The following ACSM2A variants were observed in gnomAD, a reference collection of about 807,000 sequenced individuals.
The protein encoded by ACSM2A is acyl-coenzyme A synthetase ACSM2A, mitochondrial.
ACSM2A carries 72 observed loss-of-function variants against 76.6 expected under a neutral mutation model. The observed-to-expected ratio is 0.94, with a 90% CI of 0.78 to 1.14. The LOEUF is 1.14. ACSM2A is among the 50% of genes most tolerant of loss of function. The pLI is 0.00. For synonymous variants in ACSM2A, 249 were observed against 255.9 expected, an observed-to-expected ratio of 0.97 and a Z score of 0.26; for missense variants, 684 against 708.5, an observed-to-expected ratio of 0.97 and a Z score of 0.39.
intron 13 of ACSM2A, among the ~76,000 whole-genome samples, chr16:20,483,983 A>G (rs1700815): frequency 0.47 from 62,271 of 133,826 alleles, 10,255 homozygotes; most frequent in Non-Finnish European, 0.54. Context: ...TTGTGGCTCT[A>G]TCAGCTCCAA....
chr16:20,467,196 A>C (rs967846379), intron 3 of ACSM2A, among the ~76,000 whole-genome samples: 6 of 152,240 alleles, frequency 3.9e-5, no homozygotes, highest in Admixed American at 2.0e-4. Context: ...ATGTGCCTGA[A>C]GTCCAGGCCA....
At chr16:20,485,637 T>G (rs538990271) in intron 13 of ACSM2A, among the ~76,000 whole-genome samples, 1 of 152,338 alleles carries the variant, frequency 6.6e-6, no homozygotes, top group African/African-American at 2.4e-5. Context: ...TGGGCTGTAT[T>G]TTGCCTGCAG....
At chr16:20,458,779 G>T (rs949503554) in intron 1 of ACSM2A, among the ~76,000 whole-genome samples, 4 of 140,356 alleles carry the variant, frequency 2.8e-5, no homozygotes, top group African/African-American at 1.0e-4. Context: ...ACAGGAGTGT[G>T]GCAATGTATA....
chr16:20,472,433 C>G (rs2013473389), intron 6 of ACSM2A, among the ~76,000 whole-genome samples: 1 of 152,204 alleles, frequency 6.6e-6, no homozygotes, highest in African/African-American at 2.4e-5. Context: ...CATGCTATCA[C>G]TGGGGCACCT....
intron 2 of ACSM2A, among the ~76,000 whole-genome samples, chr16:20,460,534 G>A (rs1017238539): frequency 6.6e-6 from 1 of 152,088 alleles, no homozygotes; most frequent in African/African-American, 2.4e-5. Context: ...CACACAGTTT[G>A]TTTACACTAT....
At position 20,471,085 on chromosome 16, in the gene ACSM2A, C is replaced by T; in HGVS notation, c.609C>T (p.Thr203=). ...GTGTCTCTGTCAGTGAGGCATCCACCACTCATCACTGTGTGGAGACTGGAA... is the reference window on the plus strand; with the variant it reads ...GTGTCTCTGTCAGTGAGGCATCCACTACTCATCACTGTGTGGAGACTGGAA... The part of the protein sequence containing the change: ...NFKKLLNEAS[T]THHCVETGSQ... The change falls in exon 5 of 14, where the codon ACC becomes ACT. Residue 203 remains threonine, a synonymous_variant. Transcript: ENST00000573854. 3 of 1,613,448 alleles carry T rather than the reference C, an allele frequency of 1.9e-6. No homozygotes were observed. The highest frequency in any genetic ancestry group is 1.7e-6 in the Non-Finnish European group (2 of 1,179,584).
At chr16:20,471,037 T>TA in intron 4 of ACSM2A, 36 bp from the exon 5 acceptor site, 1 of 1,611,676 alleles carries the variant, frequency 6.2e-7, no homozygotes, top group Non-Finnish European at 8.5e-7. Flanking sequence ...GTGTCCAGTC[T>TA]AGCTCTGAAA....
At chr16:20,454,354 C>G (rs1373542640) in intron 1 of ACSM2A, among the ~76,000 whole-genome samples, 2 of 152,032 alleles carry the variant, frequency 1.3e-5, no homozygotes, top group African/African-American at 4.8e-5. Flanking sequence ...ACTGGTGAAG[C>G]TGGGGTCACT....
chr16:20,465,453 T>A, intron 2 of ACSM2A, 64 bp from the exon 3 acceptor site: 1 of 1,577,380 alleles, frequency 6.3e-7, no homozygotes, highest in Non-Finnish European at 8.6e-7. Context: ...TCCCAAGACT[T>A]GGAATTTATC....
rs2013693836 is a variant in ACSM2A, at chr16:20,475,680, C to G, written c.1005C>G (p.Val335=). Residue 335 remains valine, a synonymous_variant, in exon 8 of 14, where the codon GTC becomes GTG. Transcript: ENST00000573854. ...AGTTCCCCCATCTACAGAACTGCGT[C>G]ACTGTAGGGGAGTCCCTTCTTCCAG... The part of the protein sequence containing the change: ...SYKFPHLQNC[V]TVGESLLPET... 1 of 1,614,048 alleles carries G rather than the reference C, an allele frequency of 6.2e-7. No homozygotes were observed. Among genetic ancestry groups the G allele is most frequent in the Non-Finnish European group, 8.5e-7 (1 of 1,179,936 alleles).
intron 1 of ACSM2A, chr16:20,452,120 G>A (rs1157230723): frequency 6.6e-6 from 1 of 151,338 alleles, no homozygotes; most frequent in African/African-American, 2.4e-5. Flanking sequence ...CACTGTGATG[G>A]TTAATACTGA....
At chr16:20,474,571 C>T (rs1385111378) in intron 6 of ACSM2A, among the ~76,000 whole-genome samples, 1 of 152,146 alleles carries the variant, frequency 6.6e-6, no homozygotes, top group Non-Finnish European at 1.5e-5. Flanking sequence ...CTCCGGTACT[C>T]AGTTACAGCA....
At chr16:20,465,413 A>T in intron 2 of ACSM2A, 104 bp from the exon 3 acceptor site, 1 of 1,461,988 alleles carries the variant, frequency 6.8e-7, no homozygotes, top group Non-Finnish European at 9.2e-7. Flanking sequence ...GTGCTGAGAT[A>T]AAAAACCTTA....
chr16:20,452,558 A>G lies in ACSM2A; in HGVS notation c.-9+877A>G, dbSNP rs1310300034. The G allele has an allele frequency of 2.5e-5, 3 of 121,888 alleles. 1 individual carries two copies. Among genetic ancestry groups the G allele is most frequent in the African/African-American group, 1.0e-4 (3 of 28,578 alleles). The allele number at this position is 121,888 out of a possible 1,614,324, so 7.6% of individuals were successfully genotyped here. ...ATGTTAATACTTAGTAAACTCATATATATGCTTATATATATGAGTTTATAA... is the reference window on the plus strand; with the variant it reads ...ATGTTAATACTTAGTAAACTCATATGTATGCTTATATATATGAGTTTATAA... On this transcript the variant is annotated intron_variant, in intron 1 of 13. Coordinates refer to ENST00000573854, the MANE Select transcript of ACSM2A (RefSeq NM_001308172.2).
intron 2 of ACSM2A, among the ~76,000 whole-genome samples, chr16:20,462,927 C>G (rs774635336): frequency 3.3e-5 from 5 of 151,882 alleles, no homozygotes; most frequent in Non-Finnish European, 5.9e-5. Flanking sequence ...GCCCAAATAT[C>G]TATCAACAAA....
Position 20,482,134 on chromosome 16 carries a change from CAAAA to C in ACSM2A, c.1510-906_1510-903del, listed in dbSNP as rs768615976. ...TGGGTGACAGAGTGAGACTCTGTCTCAAAAAAAAAAAAAAAAAAAAAGAAAGAAA... is the reference window on the plus strand; with the variant it reads ...TGGGTGACAGAGTGAGACTCTGTCTCAAAAAAAAAAAAAAAAAGAAAGAAA... On this transcript the variant is annotated intron_variant, in intron 12 of 13. Transcript: ENST00000573854. 8.8e-4 allele frequency: 44 copies of C among 49,730 alleles called. No homozygotes were observed. The East Asian group carries it at 0.012, about 14-fold the overall frequency. 3.1% of individuals were successfully genotyped at this position (49,730 alleles called of 1,614,324 possible).
intron 6 of ACSM2A, among the ~76,000 whole-genome samples, chr16:20,474,477 C>T (rs1426775521): frequency 6.6e-6 from 1 of 152,182 alleles, no homozygotes; most frequent in African/African-American, 2.4e-5. Flanking sequence ...AGAAGGCTCT[C>T]ACCAGATGCA....
intron 6 of ACSM2A, 101 bp downstream of exon 6, chr16:20,471,790 A>G: frequency 3.3e-6 from 5 of 1,533,944 alleles, no homozygotes; most frequent in Non-Finnish European, 4.4e-6. Flanking sequence ...TTTTTGCTAA[A>G]CCCCTGCCAT....
chr16:20,467,247 G>A (rs1330383547), intron 3 of ACSM2A, among the ~76,000 whole-genome samples: 1 of 152,322 alleles, frequency 6.6e-6, no homozygotes, highest in African/African-American at 2.4e-5. Flanking sequence ...TGTAGAGGTG[G>A]CCAGGTGCTA....
Sources: gnomAD v4.1 joint callset for allele counts (sites outside exome capture counted in the v4.1 genomes callset) on GRCh38, gnomAD v4.1.1 for gene constraint, MANE v1.5 for transcripts, NCBI Gene and HGNC (gene_info 2026-07-23, HGNC 2026-07-21) for gene names.